The following ERC2 variants were observed in gnomAD, a reference collection of about 807,000 sequenced individuals.
ERC2 encodes ERC protein 2.
ERC2 carries 42 observed loss-of-function variants against 114.8 expected under a neutral mutation model. That is an observed-to-expected ratio of 0.37 (90% confidence interval 0.29 to 0.47). ERC2 has a LOEUF of 0.47. Ranked by LOEUF, ERC2 falls within the 20% of genes least tolerant of loss-of-function variation. The pLI, the probability that ERC2 is intolerant of heterozygous loss-of-function variation, is 0.99. For missense variants in ERC2, 939 were observed against 1,150.7 expected (o/e 0.82, Z 2.66); for synonymous variants, 454 against 425.5 (o/e 1.07, Z -0.82).
chr3:56,390,927 T>A (rs555175285), intron 2 of ERC2, among the ~76,000 whole-genome samples: 1 of 152,170 alleles, frequency 6.6e-6, no homozygotes, highest in South Asian at 2.1e-4. Context: ...TGTGAGCAAA[T>A]GTGTTGTGAA....
chr3:55,655,835 T>G (rs2060834475), intron 17 of ERC2, among the ~76,000 whole-genome samples: 1 of 152,248 alleles, frequency 6.6e-6, no homozygotes, highest in African/African-American at 2.4e-5. Context: ...CACTAACAGC[T>G]AATGAGTGCA....
chr3:55,787,631 T>C (rs899541199), intron 14 of ERC2, among the ~76,000 whole-genome samples: 26 of 152,166 alleles, frequency 1.7e-4, no homozygotes, highest in African/African-American at 5.1e-4. Context: ...TATTTTATTT[T>C]AAATGGGAAA....
At chr3:56,096,618 C>T (rs1029788834) in intron 6 of ERC2, among the ~76,000 whole-genome samples, 2 of 152,094 alleles carry the variant, frequency 1.3e-5, no homozygotes, top group Non-Finnish European at 2.9e-5. Context: ...GTAAAAACTT[C>T]GAATCTCTGA....
At chr3:55,724,244 C>T (rs926278750) in intron 15 of ERC2, among the ~76,000 whole-genome samples, 4 of 152,198 alleles carry the variant, frequency 2.6e-5, no homozygotes, top group Non-Finnish European at 5.9e-5. Context: ...GATAAGTCGC[C>T]CTTCCCAGCC....
chr3:55,894,137 C>T lies in ERC2; in HGVS notation c.2404-5588G>A, dbSNP rs185848369. ...ACTCTAAGTGAATTATAACTTTTTT[C>T]CCAGGTGGAAAAATTGATTTCATGT... On this transcript the variant is annotated intron_variant, in intron 13 of 17. Coordinates refer to ENST00000288221, the MANE Select transcript of ERC2 (RefSeq NM_015576.3). Among the ~76,000 whole-genome samples the T allele has an allele frequency of 4.5e-3, 679 of 152,024 alleles. 6 individuals are homozygous for T. The highest frequency in any genetic ancestry group is 0.015 in the African/African-American group (642 of 41,486).
rs573495277 is a variant in ERC2 at position 56,194,823 on chromosome 3, C to T, written c.1075-21303G>A. 1.1e-4 allele frequency among the ~76,000 whole-genome samples: 16 copies of T among 152,096 alleles called. No individual in the cohort carries two copies. In the East Asian group the frequency reaches 2.5e-3, roughly 24 times the overall value. On this transcript the variant is annotated intron_variant, in intron 3 of 17. Transcript: ENST00000288221. ...TGCATGACAGCAGGCTTGAAAAAAA[C>T]GTGAAATTTACCTCTAATCCCACTG...
chr3:56,090,037 C>A (rs867535989), intron 6 of ERC2, among the ~76,000 whole-genome samples: 1 of 152,116 alleles, frequency 6.6e-6, no homozygotes, highest in Non-Finnish European at 1.5e-5. Context: ...AAATTTTTGA[C>A]GAATAATCAT....
chr3:55,821,693 C>G (rs1013944164), intron 14 of ERC2, among the ~76,000 whole-genome samples: 1 of 152,236 alleles, frequency 6.6e-6, no homozygotes, highest in Non-Finnish European at 1.5e-5. Context: ...GACCACCATT[C>G]AGTCCTCATG....
intron 13 of ERC2, among the ~76,000 whole-genome samples, chr3:55,912,537 AC>A (rs1182287377): frequency 6.6e-6 from 1 of 152,140 alleles, no homozygotes; most frequent in Non-Finnish European, 1.5e-5. Context: ...TGAAAATCCA[AC>A]CCTCTTGATG....
At chr3:55,615,635 G>A (rs1336379891) in intron 17 of ERC2, among the ~76,000 whole-genome samples, 1 of 152,022 alleles carries the variant, frequency 6.6e-6, no homozygotes, top group Non-Finnish European at 1.5e-5. Context: ...TCATAAAACT[G>A]TAAGGAGAAA....
Position 56,108,366 on chromosome 3 carries a change from AT to A in ERC2, c.1474-27383del, listed in dbSNP as rs574749949. ...TTTATCGCAGAACAACACACAAAAAATATTTTCAAAGTAGAAATAGTGACAA... is the reference window on the plus strand; with the variant it reads ...TTTATCGCAGAACAACACACAAAAAAATTTTCAAAGTAGAAATAGTGACAA... On this transcript the variant is annotated intron_variant, in intron 6 of 17. Transcript: ENST00000288221. 1.2e-4 allele frequency among the ~76,000 whole-genome samples: 18 copies of A among 152,302 alleles called. No individual in the cohort carries two copies. In the East Asian group the frequency reaches 3.5e-3, roughly 29 times the overall value.
intron 4 of ERC2, among the ~76,000 whole-genome samples, chr3:56,173,232 C>T (rs1236463868): frequency 1.3e-5 from 2 of 152,086 alleles, no homozygotes; most frequent in African/African-American, 2.4e-5. Flanking sequence ...AATGGATTCT[C>T]GAGCCCTTTA....
At chr3:55,937,586 G>A (rs1410002295) in intron 13 of ERC2, among the ~76,000 whole-genome samples, 1 of 152,152 alleles carries the variant, frequency 6.6e-6, no homozygotes, top group East Asian at 1.9e-4. Context: ...GCACCTCCAG[G>A]GGGGTCACTG....
chr3:55,717,388 A>G (rs1344817287), intron 15 of ERC2, among the ~76,000 whole-genome samples: 1 of 152,132 alleles, frequency 6.6e-6, no homozygotes, highest in Non-Finnish European at 1.5e-5. Flanking sequence ...GCTGTTCACT[A>G]TCTCTTCTTA....
intron 16 of ERC2, among the ~76,000 whole-genome samples, chr3:55,684,719 G>C (rs1447828012): frequency 6.6e-6 from 1 of 152,138 alleles, no homozygotes; most frequent in African/African-American, 2.4e-5. Flanking sequence ...TAATATAGAG[G>C]GAAATGGAAT....
intron 17 of ERC2, among the ~76,000 whole-genome samples, chr3:55,545,955 T>G (rs561132663): frequency 6.6e-5 from 10 of 152,292 alleles, no homozygotes; most frequent in African/African-American, 2.4e-4. Flanking sequence ...TTAGGGTCCC[T>G]GAGCGCATAC....
chr3:56,339,862 C>T (rs528393953), intron 2 of ERC2, among the ~76,000 whole-genome samples: 1 of 152,204 alleles, frequency 6.6e-6, no homozygotes, highest in East Asian at 1.9e-4. Context: ...TGCTCTCCCA[C>T]TACCAGGCCT....
At chr3:55,593,699 C>T (rs2058007839) in intron 17 of ERC2, among the ~76,000 whole-genome samples, 1 of 152,108 alleles carries the variant, frequency 6.6e-6, no homozygotes, top group Non-Finnish European at 1.5e-5. Flanking sequence ...CAATGAATTC[C>T]TCCTTATACT....
intron 17 of ERC2, among the ~76,000 whole-genome samples, chr3:55,536,717 A>G (rs2054022257): frequency 1.3e-5 from 2 of 152,204 alleles, no homozygotes; most frequent in African/African-American, 2.4e-5. Context: ...GTGGGAAATA[A>G]CTGAAGGGTA....
Sources: gnomAD v4.1 joint callset for allele counts (sites outside exome capture counted in the v4.1 genomes callset) on GRCh38, gnomAD v4.1.1 for gene constraint, MANE v1.5 for transcripts, NCBI Gene and HGNC (gene_info 2026-07-23, HGNC 2026-07-21) for gene names.